The following L3MBTL3 variants were observed in gnomAD, a reference collection of about 807,000 sequenced individuals.
L3MBTL3 encodes lethal(3)malignant brain tumor-like protein 3.
In L3MBTL3, 27 loss-of-function variants were observed where a neutral mutation model predicts 102.3. The ratio of observed to expected loss-of-function variants is 0.26; its 90% CI spans 0.19 to 0.36. L3MBTL3 has a LOEUF of 0.36. Among genes scored for constraint, L3MBTL3 ranks in the 10% least tolerant of loss-of-function variants. The pLI, the probability that L3MBTL3 is intolerant of heterozygous loss-of-function variation, is 1.00. For synonymous variants in L3MBTL3, 340 were observed against 320.9 expected (o/e 1.06, Z -0.64); for missense variants, 798 against 955.3 (o/e 0.84, Z 2.17).
intron 17 of L3MBTL3, among the ~76,000 whole-genome samples, 185 bp from the exon 18 acceptor site, chr6:130,094,080 A>C (rs1784211204): frequency 6.6e-6 from 1 of 152,228 alleles, no homozygotes; most frequent in African/African-American, 2.4e-5. Flanking sequence ...AAAAACCTTT[A>C]AACGTAGCGT....
intron 10 of L3MBTL3, among the ~76,000 whole-genome samples, chr6:130,063,329 A>AG (rs1228165328): frequency 2.6e-5 from 4 of 152,172 alleles, no homozygotes; most frequent in African/African-American, 7.2e-5. Flanking sequence ...TAGAAGCTGA[A>AG]GGAGGAGGAG....
At chr6:130,086,852 C>G (rs1224922612) in intron 16 of L3MBTL3, among the ~76,000 whole-genome samples, 1 of 152,222 alleles carries the variant, frequency 6.6e-6, no homozygotes, top group Admixed American at 6.5e-5. Flanking sequence ...ACCCTCAGAC[C>G]AAAACAATGC....
At chr6:130,092,685 C>CT in intron 16 of L3MBTL3, 60 bp from the exon 17 acceptor site, 1 of 1,038,392 alleles carries the variant, frequency 9.6e-7, no homozygotes, top group Non-Finnish European at 1.5e-6. Context: ...GTGGGCAGAA[C>CT]TTTGACTGTA....
intron 9 of L3MBTL3, among the ~76,000 whole-genome samples, chr6:130,059,188 C>G (rs199937866): frequency 8.5e-5 from 13 of 152,172 alleles, no homozygotes; most frequent in Non-Finnish European, 1.5e-4. Flanking sequence ...GCCCTGCCCC[C>G]CCAGGCACCA....
intron 13 of L3MBTL3, among the ~76,000 whole-genome samples, chr6:130,076,508 G>A (rs1008048883): frequency 3.9e-5 from 6 of 151,986 alleles, no homozygotes; most frequent in South Asian, 4.2e-4. Flanking sequence ...AGAATTTACC[G>A]TCTGAGTCTC....
In L3MBTL3 at chr6:130,051,360, C is replaced by T. The variant is rs200567841; in HGVS notation, c.401C>T (p.Ser134Phe). 6.2e-6 allele frequency: 10 copies of T among 1,614,046 alleles called. No individual in the cohort carries two copies. The East Asian group carries it at 2.0e-4, about 32-fold the overall frequency. Residue 134 changes from serine to phenylalanine, a missense_variant, in exon 6 of 23, where the codon TCT becomes TTT. Around this residue, in one of 4 missense-constraint regions of L3MBTL3, gnomAD observed 434 missense variants for 506.6 expected, o/e 0.86. Coordinates refer to ENST00000361794, the MANE Select transcript of L3MBTL3 (RefSeq NM_032438.4). ...TATGGCAACGTAGATGAGTGTCTTT[C>T]TGGAGGAAACTATTGCAGCCAGAAT... ...CQYGNVDECL[S>F]GGNYCSQNCA... is the part of the protein sequence containing the mutation.
chr6:130,091,367 A>G (rs1245026773), intron 16 of L3MBTL3, among the ~76,000 whole-genome samples: 1 of 152,154 alleles, frequency 6.6e-6, no homozygotes, highest in African/African-American at 2.4e-5. Context: ...ATATCCTGTG[A>G]TCAGTTGATA....
At chr6:130,047,180 A>G (rs530551362) in intron 3 of L3MBTL3, among the ~76,000 whole-genome samples, 1 of 152,254 alleles carries the variant, frequency 6.6e-6, no homozygotes, top group African/African-American at 2.4e-5. Context: ...TGCACATATC[A>G]TAATTTTGCA....
At chr6:130,045,662 G>A (rs1208774016) in intron 3 of L3MBTL3, among the ~76,000 whole-genome samples, 1 of 152,092 alleles carries the variant, frequency 6.6e-6, no homozygotes, top group Non-Finnish European at 1.5e-5. Flanking sequence ...CATATCAAAA[G>A]AGATGCAAGG....
chr6:130,081,462 A>G (rs976878494), intron 14 of L3MBTL3, among the ~76,000 whole-genome samples: 1 of 149,926 alleles, frequency 6.7e-6, no homozygotes, highest in African/African-American at 2.5e-5. Context: ...TCTGTTGCCC[A>G]GGCAGGAGTG....
intron 16 of L3MBTL3, among the ~76,000 whole-genome samples, chr6:130,090,503 C>T (rs148652787): frequency 1.0e-3 from 154 of 152,240 alleles, no homozygotes; most frequent in Non-Finnish European, 1.6e-3. Flanking sequence ...TTTTAACAGG[C>T]CAATAGGAGA....
intron 2 of L3MBTL3, among the ~76,000 whole-genome samples, chr6:130,025,189 G>A (rs968273315): frequency 6.6e-6 from 1 of 152,170 alleles, no homozygotes; most frequent in African/African-American, 2.4e-5. Flanking sequence ...ATTTGGGAAT[G>A]CTTATAGTAT....
chr6:130,020,414 G>T (rs56213946), intron 1 of L3MBTL3: 5,980 of 152,214 alleles, frequency 0.039, 172 homozygotes, highest in Non-Finnish European at 0.063. Flanking sequence ...GCAACTTTTG[G>T]ACTGGTGGTA....
At chr6:130,059,992 G>A in intron 9 of L3MBTL3, 44 bp from the exon 10 acceptor site, 1 of 1,037,708 alleles carries the variant, frequency 9.6e-7, no homozygotes, top group Non-Finnish European at 1.5e-6. Flanking sequence ...TTTAAATAGG[G>A]CTTTGGGATA....
At chr6:130,095,113 C>T (rs1784286420) in intron 18 of L3MBTL3, among the ~76,000 whole-genome samples, 1 of 152,050 alleles carries the variant, frequency 6.6e-6, no homozygotes, top group Admixed American at 6.6e-5. Context: ...AAATGTATCA[C>T]CTATTTAGGT....
chr6:130,086,746 G>T (rs1783714493), intron 16 of L3MBTL3, among the ~76,000 whole-genome samples: 1 of 152,110 alleles, frequency 6.6e-6, no homozygotes, highest in Admixed American at 6.5e-5. Context: ...AGGGAGATGG[G>T]ATCAGCTTGT....
chr6:130,066,746 T>C (rs1029480853), intron 11 of L3MBTL3, among the ~76,000 whole-genome samples: 1 of 152,214 alleles, frequency 6.6e-6, no homozygotes, highest in African/African-American at 2.4e-5. Context: ...CTACAAATAA[T>C]GTTTACCTGC....
intron 12 of L3MBTL3, among the ~76,000 whole-genome samples, chr6:130,069,144 A>C (rs1782466262): frequency 6.6e-6 from 1 of 152,156 alleles, no homozygotes; most frequent in Admixed American, 6.5e-5. Context: ...CCATCCCCCA[A>C]GCCTGGAGAA....
intron 2 of L3MBTL3, among the ~76,000 whole-genome samples, chr6:130,040,199 G>A (rs1469941922): frequency 6.6e-6 from 1 of 151,652 alleles, no homozygotes; most frequent in Non-Finnish European, 1.5e-5. Context: ...GTGGTGGTGG[G>A]CGCCTATAAT....
Sources: allele counts gnomAD v4.1 joint callset (sites outside exome capture counted in the v4.1 genomes callset), GRCh38; gene constraint gnomAD v4.1.1; regional missense constraint gnomAD v4.1.1; transcripts MANE v1.5; gene names NCBI Gene and HGNC (gene_info 2026-07-23, HGNC 2026-07-21).